METTL24: variants seen among roughly 807,000 people sequenced by gnomAD.
METTL24 encodes methyltransferase like 24, also known as probable methyltransferase-like protein 24.
Under a neutral mutation model 32.7 loss-of-function variants are expected in METTL24, and 29 were observed. The ratio of observed to expected loss-of-function variants is 0.89; its 90% CI spans 0.66 to 1.21. The LOEUF is 1.21. METTL24 is among the 50% of genes most tolerant of loss of function. METTL24 has a pLI of 0.00. For synonymous variants in METTL24, 163 were observed against 179.5 expected, an observed-to-expected ratio of 0.91 and a Z score of 0.73; for missense variants, 439 against 468.1, an observed-to-expected ratio of 0.94 and a Z score of 0.57.
intron 1 of METTL24, among the ~76,000 whole-genome samples, chr6:110,334,722 A>G (rs1210449132): frequency 6.6e-6 from 1 of 152,218 alleles, no homozygotes; most frequent in African/African-American, 2.4e-5. Context: ...CCGTGCAGGT[A>G]TACATATATG....
chr6:110,247,885 T>G (rs1330461057), intron 4 of METTL24, among the ~76,000 whole-genome samples: 1 of 152,162 alleles, frequency 6.6e-6, no homozygotes, highest in Non-Finnish European at 1.5e-5. Context: ...GTTTGGATGT[T>G]TGTCCCCTCC....
At chr6:110,315,754 G>A (rs1015788951) in intron 2 of METTL24, among the ~76,000 whole-genome samples, 4 of 152,162 alleles carry the variant, frequency 2.6e-5, no homozygotes, top group East Asian at 3.9e-4. Context: ...GTGTGCAGGA[G>A]AGAACAAATC....
chr6:110,340,901 G>A (rs993400543), intron 1 of METTL24, among the ~76,000 whole-genome samples: 3 of 151,874 alleles, frequency 2.0e-5, no homozygotes, highest in Admixed American at 6.6e-5. Context: ...GAAAAGTTTG[G>A]ATTTCAAAAT....
intron 3 of METTL24, among the ~76,000 whole-genome samples, chr6:110,304,379 A>G (rs550169422): frequency 7.9e-5 from 12 of 152,338 alleles, no homozygotes; most frequent in African/African-American, 2.2e-4. Flanking sequence ...TGTGAGCTAA[A>G]GGAGCATGTT....
At chr6:110,311,280 A>G (rs928766116) in intron 3 of METTL24, among the ~76,000 whole-genome samples, 9 of 152,246 alleles carry the variant, frequency 5.9e-5, no homozygotes, top group African/African-American at 1.7e-4. Context: ...TGCAATCAAC[A>G]TAATTACCCA....
chr6:110,311,181 G>T (rs963028807), intron 3 of METTL24, among the ~76,000 whole-genome samples: 15 of 152,104 alleles, frequency 9.9e-5, no homozygotes, highest in African/African-American at 3.6e-4. Context: ...ATCAGTTGAG[G>T]TGTTGTCAGC....
rs559950216 is a variant in METTL24 at position 110,293,144 on chromosome 6, T to C, written c.786+5778A>G. On this transcript the variant is annotated intron_variant, in intron 4 of 4. Transcript: ENST00000338882. ...TCTGAAAAAAAAATCCTATTGGCAA[T>C]TTTATTTGGAACATGTTAAATCAGT... is the stretch of plus-strand genomic sequence containing the variant. 2.0e-5 allele frequency among the ~76,000 whole-genome samples: 3 copies of C among 152,106 alleles called. No homozygotes were observed. In the East Asian group the frequency reaches 5.8e-4, roughly 29 times the overall value.
At chr6:110,296,304 T>C (rs1257712036) in intron 4 of METTL24, among the ~76,000 whole-genome samples, 1 of 152,228 alleles carries the variant, frequency 6.6e-6, no homozygotes, top group Admixed American at 6.5e-5. Context: ...TCAGATTCAA[T>C]ATTTCTAGTT....
chr6:110,311,567 G>GGGTTCAA (rs1771724476), intron 3 of METTL24, among the ~76,000 whole-genome samples: 1 of 144,522 alleles, frequency 6.9e-6, no homozygotes, highest in African/African-American at 2.6e-5. Context: ...TCTGCCTCCT[G>GGGTTCAA]GGTTCAAGTG....
intron 1 of METTL24, among the ~76,000 whole-genome samples, chr6:110,324,309 G>A (rs570603127): frequency 1.3e-5 from 2 of 152,292 alleles, no homozygotes; most frequent in South Asian, 2.1e-4. Context: ...TGGGGGCTGA[G>A]CCTCACGCAG....
intron 4 of METTL24, among the ~76,000 whole-genome samples, chr6:110,290,794 C>T (rs1468275103): frequency 6.6e-6 from 1 of 152,084 alleles, no homozygotes; most frequent in Non-Finnish European, 1.5e-5. Context: ...AATTGTCAAC[C>T]TCTTTTCCTA....
At chr6:110,249,509 T>C (rs1352345217) in intron 4 of METTL24, among the ~76,000 whole-genome samples, 3 of 151,998 alleles carry the variant, frequency 2.0e-5, no homozygotes, top group African/African-American at 7.2e-5. Flanking sequence ...TAAAACATGC[T>C]CTGCTCTTCC....
chr6:110,276,347 A>T (rs1414778638), intron 4 of METTL24, among the ~76,000 whole-genome samples: 1 of 152,190 alleles, frequency 6.6e-6, no homozygotes, highest in Non-Finnish European at 1.5e-5. Context: ...GCTACTCAGG[A>T]GGCTGAGGCA....
chr6:110,280,021 T>C (rs1771110666), intron 4 of METTL24, among the ~76,000 whole-genome samples: 1 of 151,960 alleles, frequency 6.6e-6, no homozygotes, highest in African/African-American at 2.4e-5. Flanking sequence ...AGACAGGAAG[T>C]AGGTGCTGCA....
chr6:110,258,839 G>GAAAAC (rs1194282407), intron 4 of METTL24, among the ~76,000 whole-genome samples: 12 of 147,808 alleles, frequency 8.1e-5, no homozygotes, highest in African/African-American at 2.0e-4. Flanking sequence ...CAAAACAAAA[G>GAAAAC]AAAACAAAAC....
At position 110,315,390 on chromosome 6, in the gene METTL24, T is replaced by C. The variant is rs775306974; in HGVS notation, c.509A>G (p.Asn170Ser). Residue 170 changes from asparagine (N) to serine (S), a missense_variant, in exon 3 of 5, where the codon AAT becomes AGT. Coordinates refer to ENST00000338882, the MANE Select transcript of METTL24 (RefSeq NM_001123364.3). Reference protein sequence around the residue: ...PWSVCLDDRFNLAHQIRNKQC... With the variant: ...PWSVCLDDRFSLAHQIRNKQC... The stretch of plus-strand genomic sequence containing the variant: ...CTTGTTGCGGATTTGATGAGCTAAA[T>C]TGAACCTGTCGTCAAGACACACTGA... 5.6e-6 allele frequency: 9 copies of C among 1,614,052 alleles called. No homozygotes were observed. In the Admixed American group the frequency reaches 1.3e-4, roughly 24 times the overall value.
intron 1 of METTL24, among the ~76,000 whole-genome samples, chr6:110,352,024 TG>T (rs1264912903): frequency 3.3e-5 from 5 of 152,244 alleles, no homozygotes; most frequent in African/African-American, 1.2e-4. Flanking sequence ...CTTCCTTTTT[TG>T]TTTAAGTTAG....
chr6:110,346,805 A>G (rs1481744868), intron 1 of METTL24, among the ~76,000 whole-genome samples: 3 of 152,152 alleles, frequency 2.0e-5, no homozygotes, highest in African/African-American at 7.2e-5. Flanking sequence ...ACACATGGCC[A>G]TCAATCCTTT....
At chr6:110,342,026 C>A (rs1772368579) in intron 1 of METTL24, among the ~76,000 whole-genome samples, 1 of 152,112 alleles carries the variant, frequency 6.6e-6, no homozygotes, top group Non-Finnish European at 1.5e-5. Flanking sequence ...AAAGAAGGGC[C>A]AAGGTAGCTG....
Sources: allele counts gnomAD v4.1 joint callset (sites outside exome capture counted in the v4.1 genomes callset), GRCh38; gene constraint gnomAD v4.1.1; transcripts MANE v1.5; gene names NCBI Gene and HGNC (gene_info 2026-07-23, HGNC 2026-07-21).